The following SGCE variants were observed in gnomAD, a reference collection of about 807,000 sequenced individuals.
SGCE encodes sarcoglycan epsilon.
In SGCE, 26 loss-of-function variants were observed where a neutral mutation model predicts 57.8. The ratio of observed to expected loss-of-function variants is 0.45; its 90% CI spans 0.33 to 0.62. The LOEUF (loss-of-function observed/expected upper bound fraction) is 0.62. Among genes scored for constraint, SGCE ranks in the 20% least tolerant of loss-of-function variants. SGCE has a pLI of 0.02. For synonymous variants in SGCE, 183 were observed against 189.5 expected (o/e 0.97, Z 0.28); for missense variants, 468 against 548.6 (o/e 0.85, Z 1.47).
At chr7:94,639,780 C>T (rs960072477) in intron 1 of SGCE, among the ~76,000 whole-genome samples, 9 of 152,076 alleles carry the variant, frequency 5.9e-5, no homozygotes, top group Non-Finnish European at 8.8e-5. Context: ...AGAAAGCATA[C>T]GTGCTATAAG....
intron 1 of SGCE, among the ~76,000 whole-genome samples, chr7:94,645,128 G>GTCTA (rs1255104428): frequency 6.6e-6 from 1 of 152,178 alleles, no homozygotes; most frequent in South Asian, 2.1e-4. Context: ...TGACTGCAAA[G>GTCTA]TCTATGTCAT....
chr7:94,592,107 C>T (rs1416271492), intron 9 of SGCE, among the ~76,000 whole-genome samples: 2 of 152,164 alleles, frequency 1.3e-5, no homozygotes, highest in Non-Finnish European at 2.9e-5. Flanking sequence ...AAGATGTGTG[C>T]ACATAGCTCT....
intron 10 of SGCE, chr7:94,586,666 A>AT (rs58533148): frequency 0.12 from 20,382 of 176,906 alleles, 4,458 homozygotes; most frequent in African/African-American, 0.46. Flanking sequence ...TGCCCAGCTA[A>AT]TTTTTGTATT....
Position 94,648,376 on chromosome 7 carries a change from C to CAAAAAAAAAAAAAAAAAAA in SGCE, c.109+7595_109+7613dup, listed in dbSNP as rs71123907. On this transcript the variant is annotated intron_variant, in intron 1 of 10. Coordinates refer to ENST00000648936, the MANE Select transcript of SGCE (RefSeq NM_003919.3). ...GGCAACAAGAACAAAACTCTGTCTC[C>CAAAAAAAAAAAAAAAAAAA]AAAAAAAAAAAAAAAAAAAAAAGAA... is the stretch of plus-strand genomic sequence containing the variant. Among the ~76,000 whole-genome samples the CAAAAAAAAAAAAAAAAAAA allele has an allele frequency of 8.3e-4, 54 of 65,090 alleles. 1 individual carries two copies. The highest frequency in any genetic ancestry group is 1.1e-3 in the Non-Finnish European group (41 of 36,306). The allele number at this position is 65,090 out of a possible 152,430, so 42.7% of individuals were successfully genotyped here. A position where few individuals can be genotyped will look rare whatever the true frequency, so the allele number is the denominator to read the frequency against.
intron 1 of SGCE, among the ~76,000 whole-genome samples, chr7:94,650,589 C>CA (rs199730035): frequency 0.012 from 1,809 of 149,440 alleles, 35 homozygotes; most frequent in African/African-American, 0.041. Context: ...GCTATTTAGA[C>CA]AGTTTATCAG....
chr7:94,587,890 G>GT, intron 10 of SGCE: 1 of 1,497,342 alleles, frequency 6.7e-7, no homozygotes, highest in Non-Finnish European at 8.9e-7. Flanking sequence ...TGTGCCTGAA[G>GT]TTTTTAAGAG....
chr7:94,635,420 C>T (rs1481343922), intron 1 of SGCE, among the ~76,000 whole-genome samples: 1 of 152,190 alleles, frequency 6.6e-6, no homozygotes, highest in Non-Finnish European at 1.5e-5. Context: ...GTTGCCTAAG[C>T]AACTAGGTAT....
chr7:94,628,640 G>A (rs1804151306), intron 2 of SGCE: 2 of 377,460 alleles, frequency 5.3e-6, no homozygotes, highest in Admixed American at 4.1e-5. Flanking sequence ...ATATAGTTCT[G>A]CCAGTGAGAC....
chr7:94,590,732 G>A (rs1025759533), intron 9 of SGCE: 1 of 152,186 alleles, frequency 6.6e-6, no homozygotes, highest in Non-Finnish European at 1.5e-5. Flanking sequence ...AAACAAGGGA[G>A]TTAGGAATCC....
chr7:94,628,567 TGCAACAA>T, intron 2 of SGCE: 2 of 548,834 alleles, frequency 3.6e-6, no homozygotes, highest in South Asian at 4.3e-5. Flanking sequence ...CAAAATCTGA[TGCAACAA>T]AGAAAGCAGA....
At chr7:94,597,476 G>T (rs1316840488) in intron 9 of SGCE, 1 of 152,056 alleles carries the variant, frequency 6.6e-6, no homozygotes, top group East Asian at 1.9e-4. Context: ...TGGGAAAAAT[G>T]TACCCAGCAG....
In SGCE at chr7:94,602,779, A is replaced by G. The variant is rs143201635; in HGVS notation, c.825+511T>C. On this transcript the variant is annotated intron_variant, in intron 6 of 10. Transcript: ENST00000648936. ...AAAATGTGATTTGGAAAGAAATATT[A>G]TGTTTATGAATTATGGGTAAGATTC... Among the ~76,000 whole-genome samples, 570 of 152,270 alleles carry G rather than the reference A, an allele frequency of 3.7e-3. 10 individuals carry two copies. The highest frequency in any genetic ancestry group is 0.013 in the African/African-American group (543 of 41,564).
intron 9 of SGCE, among the ~76,000 whole-genome samples, chr7:94,591,624 C>T (rs977040387): frequency 3.3e-5 from 5 of 151,820 alleles, no homozygotes; most frequent in Admixed American, 6.6e-5. Flanking sequence ...AGTTGGATGC[C>T]CCCCACTTCT....
chr7:94,648,650 T>C (rs1807456861), intron 1 of SGCE, among the ~76,000 whole-genome samples: 2 of 152,112 alleles, frequency 1.3e-5, no homozygotes, highest in Admixed American at 6.5e-5. Context: ...ACCCAGTAAC[T>C]ACAGAAAATG....
chr7:94,633,390 T>G (rs1805034123), intron 1 of SGCE, among the ~76,000 whole-genome samples: 1 of 152,140 alleles, frequency 6.6e-6, no homozygotes, highest in Admixed American at 6.6e-5. Context: ...AATAATTACA[T>G]ATCTGAGTAG....
At chr7:94,585,602 G>A (rs1796785573) in intron 10 of SGCE, 87 bp from the exon 11 acceptor site, 1 of 855,514 alleles carries the variant, frequency 1.2e-6, no homozygotes, top group Non-Finnish European at 2.0e-6. Context: ...ATGGCAAGGA[G>A]AAAGTTTCCA....
chr7:94,585,835 G>T (rs1002017974), intron 10 of SGCE, among the ~76,000 whole-genome samples: 1 of 151,658 alleles, frequency 6.6e-6, no homozygotes, highest in Non-Finnish European at 1.5e-5. Flanking sequence ...CCTTTTAATC[G>T]TGGCTTTTAA....
chr7:94,586,494 CTTTTTTCTT>C lies in SGCE; in HGVS notation c.1298-988_1298-980del, dbSNP rs1407570556. 5.9e-5 allele frequency: 9 copies of C among 151,974 alleles called. No homozygotes were observed. The East Asian group carries it at 9.6e-4, about 16-fold the overall frequency. The allele number at this position is 151,974 out of a possible 1,614,324, so 9.4% of individuals were successfully genotyped here. A position where few individuals can be genotyped will look rare whatever the true frequency, so the allele number is the denominator to read the frequency against. On this transcript the variant is annotated intron_variant, in intron 10 of 10. Transcript: ENST00000648936. ...GGAGGCATGCCTCCATTTAGGTTTT[CTTTTTTCTT>C]TTTTTTCTTTTTTTGATTCAGAGTC...
At chr7:94,619,195 G>C in intron 4 of SGCE, 1 of 425,346 alleles carries the variant, frequency 2.4e-6, no homozygotes, top group Non-Finnish European at 4.2e-6. Flanking sequence ...AGGCTCATCA[G>C]GGCAATTTAT....
Sources: allele counts gnomAD v4.1 joint callset (sites outside exome capture counted in the v4.1 genomes callset), GRCh38; gene constraint gnomAD v4.1.1; transcripts MANE v1.5; gene names NCBI Gene and HGNC (gene_info 2026-07-23, HGNC 2026-07-21).